The following ZMYM2 variants were observed in gnomAD, a reference collection of about 807,000 sequenced individuals.
ZMYM2 encodes zinc finger MYM-type protein 2.
In ZMYM2, 56 loss-of-function variants were observed where a neutral mutation model predicts 162.8. The ratio of observed to expected loss-of-function variants is 0.34; its 90% CI spans 0.28 to 0.43. The LOEUF is 0.43. Among genes scored for constraint, ZMYM2 ranks in the 20% least tolerant of loss-of-function variants. The pLI is 1.00. For missense variants in ZMYM2, 1,275 were observed against 1,621.8 expected, an observed-to-expected ratio of 0.79 and a Z score of 3.67; for synonymous variants, 510 against 541.6, an observed-to-expected ratio of 0.94 and a Z score of 0.81.
At chr13:19,931,613 C>T in the ZMYM2 span, among the ~76,000 whole-genome samples, 1 of 152,084 alleles carries the variant, frequency 6.6e-6, no homozygotes, top group Admixed American at 6.6e-5. Flanking sequence ...TAGCAATATG[C>T]ACCAAAGTTT....
chr13:20,035,089 A>T (rs139782445), intron 11 of ZMYM2, among the ~76,000 whole-genome samples: 2 of 152,128 alleles, frequency 1.3e-5, no homozygotes, highest in African/African-American at 2.4e-5. Context: ...TCTTTGGTCC[A>T]TGGCACTGAA....
chr13:19,971,151 A>G (rs1431101505), intron 2 of ZMYM2, among the ~76,000 whole-genome samples: 1 of 150,810 alleles, frequency 6.6e-6, no homozygotes, highest in Non-Finnish European at 1.5e-5. Context: ...GAAGAATTGT[A>G]GGCTTTCTCC....
At chr13:20,032,055 G>C (rs576216255) in intron 10 of ZMYM2, among the ~76,000 whole-genome samples, 9 of 151,948 alleles carry the variant, frequency 5.9e-5, no homozygotes, top group Admixed American at 5.2e-4. Flanking sequence ...ATTTTTAGTA[G>C]AGACGGGGTT....
chr13:19,877,235 A>G, the ZMYM2 span, among the ~76,000 whole-genome samples: 3 of 151,670 alleles, frequency 2.0e-5, no homozygotes, highest in Non-Finnish European at 2.9e-5. Flanking sequence ...AAAACAAAGA[A>G]GTTTATTTAG....
chr13:19,980,472 C>T (rs940643992), intron 2 of ZMYM2, among the ~76,000 whole-genome samples: 3 of 151,840 alleles, frequency 2.0e-5, no homozygotes, highest in African/African-American at 7.3e-5. Context: ...CTGTTCTTGG[C>T]TGGGCGTCAT....
the ZMYM2 span, among the ~76,000 whole-genome samples, chr13:19,909,322 A>T: frequency 1.1e-4 from 17 of 151,924 alleles, no homozygotes; most frequent in African/African-American, 3.6e-4. Flanking sequence ...CTTTCTCATG[A>T]TTTTGTTTAA....
chr13:20,026,385 A>G (rs1223052826), intron 7 of ZMYM2: 1 of 375,108 alleles, frequency 2.7e-6, no homozygotes, highest in East Asian at 4.4e-5. Flanking sequence ...AGAGAGAAAA[A>G]CATTCTGTTT....
intron 11 of ZMYM2, among the ~76,000 whole-genome samples, chr13:20,036,308 A>G (rs1283387547): frequency 2.6e-5 from 4 of 152,070 alleles, no homozygotes; most frequent in Non-Finnish European, 5.9e-5. Context: ...GGTAAGCTTG[A>G]AAAATTAGCT....
At chr13:20,058,355 A>G (rs1051027964) in intron 14 of ZMYM2, among the ~76,000 whole-genome samples, 4 of 152,218 alleles carry the variant, frequency 2.6e-5, no homozygotes, top group African/African-American at 4.8e-5. Flanking sequence ...ATATAAATCT[A>G]TAGAATGAAT....
chr13:19,926,566 G>A, the ZMYM2 span, among the ~76,000 whole-genome samples: 2 of 151,760 alleles, frequency 1.3e-5, no homozygotes, highest in East Asian at 3.9e-4. Flanking sequence ...GTTTCTCCAT[G>A]TCGGCCAGGC....
chr13:19,991,578 AAG>A (rs1566236706), intron 2 of ZMYM2, among the ~76,000 whole-genome samples: 1 of 151,984 alleles, frequency 6.6e-6, no homozygotes, highest in Non-Finnish European at 1.5e-5. Flanking sequence ...TGACTTGGGC[AAG>A]AGAGTTAGCA....
Position 20,083,671 on chromosome 13 carries a change from GA to G in ZMYM2, c.3841del (p.Arg1281GlufsTer24). 2 of 1,540,258 alleles carry G rather than the reference GA, an allele frequency of 1.3e-6. No homozygotes were observed. Among genetic ancestry groups the G allele is most frequent in the Admixed American group, 1.9e-5 (1 of 51,696 alleles). ...ATTTTTTAAGATAAAATTACTACTGGAAAAAGAAAACATGAAGATGATGAGC... is the reference window on the plus strand; with the variant it reads ...ATTTTTTAAGATAAAATTACTACTGGAAAAGAAAACATGAAGATGATGAGC... ...GTDNEDKITT[G>X]KRKHEDDEPV... On this transcript the variant is annotated frameshift_variant, in exon 24 of 25. Transcript: ENST00000610343. LOFTEE classifies it high-confidence loss of function.
intron 3 of ZMYM2, among the ~76,000 whole-genome samples, chr13:19,997,037 C>T (rs1950068439): frequency 6.6e-6 from 1 of 152,088 alleles, no homozygotes; most frequent in African/African-American, 2.4e-5. Context: ...ACAGTGAGAC[C>T]CAATCATAGT....
intron 18 of ZMYM2, 104 bp from the exon 19 acceptor site, chr13:20,064,347 A>G: frequency 1.1e-6 from 1 of 886,728 alleles, no homozygotes; most frequent in Non-Finnish European, 1.6e-6. Context: ...GATTGTCCCC[A>G]TGTATGAATG....
chr13:19,895,510 C>T, the ZMYM2 span, among the ~76,000 whole-genome samples: 1 of 151,896 alleles, frequency 6.6e-6, no homozygotes, highest in Non-Finnish European at 1.5e-5. Context: ...TCTGAAGTGT[C>T]TCAAGGTGAT....
Position 19,981,343 on chromosome 13 carries a change from A to G in ZMYM2, c.-10-11720A>G, listed in dbSNP as rs1476695982. Among the ~76,000 whole-genome samples the G allele has an allele frequency of 2.0e-5, 3 of 152,224 alleles. No individual in the cohort carries two copies. In the East Asian group the frequency reaches 5.8e-4, roughly 29 times the overall value. Reference sequence around the variant, plus strand: ...AAACAAACCCCAAACCACATATTTGATGTGTTTTAATTAATTGCAGTGATT... The same window carrying G: ...AAACAAACCCCAAACCACATATTTGGTGTGTTTTAATTAATTGCAGTGATT... On this transcript the variant is annotated intron_variant, in intron 2 of 24. Transcript: ENST00000610343.
the ZMYM2 span, among the ~76,000 whole-genome samples, chr13:19,881,522 T>C: frequency 6.6e-6 from 1 of 151,062 alleles, no homozygotes; most frequent in Non-Finnish European, 1.5e-5. Context: ...CTCGAGAGAC[T>C]GAGGTGGCAG....
intron 3 of ZMYM2, among the ~76,000 whole-genome samples, chr13:19,998,012 A>G (rs1343448194): frequency 1.3e-5 from 2 of 152,228 alleles, no homozygotes; most frequent in Admixed American, 6.5e-5. Flanking sequence ...AGACCGTAAC[A>G]TAAGAATTGT....
chr13:19,865,197 T>G, the ZMYM2 span: 2 of 148,728 alleles, frequency 1.3e-5, no homozygotes, highest in Non-Finnish European at 2.9e-5. Context: ...ACACATAAAA[T>G]ACGCTAACAG....
Sources: allele counts gnomAD v4.1 joint callset (sites outside exome capture counted in the v4.1 genomes callset), GRCh38; gene constraint gnomAD v4.1.1; transcripts MANE v1.5; gene names NCBI Gene and HGNC (gene_info 2026-07-23, HGNC 2026-07-21).